Variants in DNAJC1 observed in about 807,000 individuals in gnomAD.
DNAJC1 encodes the protein DnaJ heat shock protein family (Hsp40) member C1, also known as dnaJ homolog subfamily C member 1.
DNAJC1 carries 58 observed loss-of-function variants against 76.6 expected under a neutral mutation model. That is an observed-to-expected ratio of 0.76 (90% confidence interval 0.61 to 0.94). DNAJC1 has a LOEUF of 0.94. DNAJC1 is among the 40% of genes least tolerant of loss of function. DNAJC1 has a pLI of 0.00. For synonymous variants in DNAJC1, 258 were observed against 267.9 expected (o/e 0.96, Z 0.36); for missense variants, 689 against 677.3 (o/e 1.02, Z -0.19).
intron 8 of DNAJC1, among the ~76,000 whole-genome samples, chr10:21,832,280 T>C (rs1368578210): frequency 1.3e-5 from 2 of 152,192 alleles, no homozygotes; most frequent in Admixed American, 6.5e-5. Context: ...CTGGTTCTGA[T>C]TCCTCAATTT....
At chr10:21,979,078 A>G (rs2131835634) in intron 1 of DNAJC1, among the ~76,000 whole-genome samples, 1 of 151,746 alleles carries the variant, frequency 6.6e-6, no homozygotes, top group East Asian at 1.9e-4. Context: ...CCCCTGGCAC[A>G]TTCATTTTTT....
chr10:21,908,316 GA>G (rs1836793470), intron 6 of DNAJC1, among the ~76,000 whole-genome samples: 1 of 131,266 alleles, frequency 7.6e-6, no homozygotes, highest in South Asian at 2.2e-4. Context: ...AAAATTACCT[GA>G]AAATGAAATC....
At chr10:21,942,933 T>A (rs926649928) in intron 1 of DNAJC1, among the ~76,000 whole-genome samples, 2 of 151,924 alleles carry the variant, frequency 1.3e-5, no homozygotes, top group Middle Eastern at 3.2e-3. Flanking sequence ...TTCTAAAACT[T>A]AGAGATAGTA....
chr10:21,783,587 C>T (rs9665526), intron 9 of DNAJC1, among the ~76,000 whole-genome samples: 5,594 of 152,138 alleles, frequency 0.037, 171 homozygotes, highest in African/African-American at 0.074. Flanking sequence ...AGAGCCCACA[C>T]TGCCAAGTCA....
intron 8 of DNAJC1, among the ~76,000 whole-genome samples, chr10:21,858,486 A>G (rs2131696173): frequency 6.6e-6 from 1 of 152,358 alleles, no homozygotes; most frequent in East Asian, 1.9e-4. Context: ...GGAAAGTGCA[A>G]TAATAACCGT....
At chr10:21,843,837 T>G (rs1400479218) in intron 8 of DNAJC1, among the ~76,000 whole-genome samples, 2 of 152,104 alleles carry the variant, frequency 1.3e-5, no homozygotes, top group Admixed American at 6.6e-5. Flanking sequence ...GCTCCTGGGT[T>G]CATGCAATTC....
chr10:21,960,314 A>C (rs756760098), intron 1 of DNAJC1, among the ~76,000 whole-genome samples: 6 of 152,208 alleles, frequency 3.9e-5, no homozygotes, highest in Non-Finnish European at 8.8e-5. Context: ...CAGAATCAAA[A>C]TAGTACACCA....
chr10:21,834,695 T>A (rs1318050794), intron 8 of DNAJC1, among the ~76,000 whole-genome samples: 2 of 152,012 alleles, frequency 1.3e-5, no homozygotes, highest in Non-Finnish European at 2.9e-5. Context: ...GTTCAGAGGG[T>A]CCTAAGCCCA....
intron 8 of DNAJC1, among the ~76,000 whole-genome samples, chr10:21,868,996 A>G (rs1049389304): frequency 1.3e-5 from 2 of 152,116 alleles, no homozygotes; most frequent in African/African-American, 2.4e-5. Flanking sequence ...AAAGGAAATC[A>G]AAGTATTTTG....
chr10:21,999,792 C>T (rs1188277294), intron 1 of DNAJC1, among the ~76,000 whole-genome samples: 1 of 152,184 alleles, frequency 6.6e-6, no homozygotes, highest in East Asian at 1.9e-4. Context: ...GGCTTATTAG[C>T]TCCCAGATCT....
At chr10:21,763,875 C>A (rs1252497295) in intron 10 of DNAJC1, among the ~76,000 whole-genome samples, 1 of 152,228 alleles carries the variant, frequency 6.6e-6, no homozygotes, top group Admixed American at 6.5e-5. Context: ...CTGTGGAAAT[C>A]CCATTTTTCC....
chr10:21,870,725 T>C (rs1025585804), intron 8 of DNAJC1, among the ~76,000 whole-genome samples: 10 of 151,944 alleles, frequency 6.6e-5, no homozygotes, highest in Admixed American at 6.6e-4. Context: ...CAGTGAGCTA[T>C]GGTGGCGCCA....
intron 8 of DNAJC1, among the ~76,000 whole-genome samples, chr10:21,866,827 T>C (rs1030718324): frequency 6.6e-6 from 1 of 152,130 alleles, no homozygotes; most frequent in Admixed American, 6.5e-5. Context: ...TGTGTTCTAT[T>C]ACAAAACAAT....
chr10:21,885,221 T>A (rs1440851260), intron 7 of DNAJC1, among the ~76,000 whole-genome samples: 1 of 151,548 alleles, frequency 6.6e-6, no homozygotes, highest in Non-Finnish European at 1.5e-5. Flanking sequence ...GCAATCCTAA[T>A]TTAAAGATTA....
At chr10:21,780,473 G>A (rs973865365) in intron 9 of DNAJC1, among the ~76,000 whole-genome samples, 1 of 152,176 alleles carries the variant, frequency 6.6e-6, no homozygotes, top group African/African-American at 2.4e-5. Flanking sequence ...TTTCAACCCA[G>A]AATTTCATAG....
chr10:21,825,514 C>T (rs1391437152), intron 8 of DNAJC1, among the ~76,000 whole-genome samples: 1 of 152,134 alleles, frequency 6.6e-6, no homozygotes, highest in East Asian at 1.9e-4. Context: ...ATTTGTTTAG[C>T]ATCTGTTTTC....
At chr10:21,803,996 A>C in intron 9 of DNAJC1, 1 of 984,702 alleles carries the variant, frequency 1.0e-6, no homozygotes, top group South Asian at 4.7e-5. Flanking sequence ...TAGGGAGGAA[A>C]AAAAGGAGAC....
At chr10:21,876,710 G>A (rs935175298) in intron 8 of DNAJC1, among the ~76,000 whole-genome samples, 5 of 151,784 alleles carry the variant, frequency 3.3e-5, no homozygotes, top group Admixed American at 2.6e-4. Flanking sequence ...TAGATAAATG[G>A]AACTAAGCAG....
intron 9 of DNAJC1, among the ~76,000 whole-genome samples, chr10:21,797,778 A>G (rs1023197659): frequency 2.0e-5 from 3 of 152,002 alleles, no homozygotes; most frequent in Non-Finnish European, 4.4e-5. Context: ...CTACAGTGGG[A>G]TGACGCAGCA....
Sources: allele counts gnomAD v4.1 joint callset (sites outside exome capture counted in the v4.1 genomes callset), GRCh38; gene constraint gnomAD v4.1.1; transcripts MANE v1.5; gene names NCBI Gene and HGNC (gene_info 2026-07-23, HGNC 2026-07-21).